The following RGS6 variants were observed in gnomAD, a reference collection of about 807,000 sequenced individuals.
RGS6 encodes the protein regulator of G protein signaling 6.
Under a neutral mutation model 78.5 loss-of-function variants are expected in RGS6, and 30 were observed. The ratio of observed to expected loss-of-function variants is 0.38; its 90% confidence interval spans 0.29 to 0.52. The LOEUF is 0.52. RGS6 is among the 20% of genes least tolerant of loss of function. The pLI, the probability that RGS6 is intolerant of heterozygous loss-of-function variation, is 0.85. For synonymous variants in RGS6, 206 were observed against 206.0 expected (o/e 1.00, Z 0.00); for missense variants, 495 against 609.7 (o/e 0.81, Z 1.98).
At chr14:72,397,448 G>A (rs889494837) in intron 3 of RGS6, among the ~76,000 whole-genome samples, 1 of 151,534 alleles carries the variant, frequency 6.6e-6, no homozygotes, top group African/African-American at 2.4e-5. Flanking sequence ...GGAGATTTTG[G>A]GCTGAGACGA....
chr14:72,175,780 A>G (rs2097097272), intron 2 of RGS6, among the ~76,000 whole-genome samples: 2 of 152,140 alleles, frequency 1.3e-5, no homozygotes, highest in African/African-American at 4.8e-5. Flanking sequence ...CTTTCTAAGT[A>G]TCAGCTGAAA....
chr14:72,285,250 G>A (rs2062320144), intron 2 of RGS6, among the ~76,000 whole-genome samples: 2 of 152,112 alleles, frequency 1.3e-5, no homozygotes, highest in South Asian at 4.2e-4. Flanking sequence ...GAATGATATG[G>A]TTTGGCTGTG....
intron 2 of RGS6, among the ~76,000 whole-genome samples, chr14:72,089,238 C>T (rs1173372965): frequency 6.6e-6 from 1 of 152,248 alleles, no homozygotes; most frequent in Admixed American, 6.5e-5. Context: ...ATACTCACTG[C>T]ATGCCTGCCA....
At chr14:71,876,842 C>T in the RGS6 span, among the ~76,000 whole-genome samples, 1 of 152,042 alleles carries the variant, frequency 6.6e-6, no homozygotes, top group Non-Finnish European at 1.5e-5. Context: ...TTTAGTGCTT[C>T]CTTCAGGAGC....
chr14:72,199,659 G>A (rs542015440), intron 2 of RGS6, among the ~76,000 whole-genome samples: 3 of 152,276 alleles, frequency 2.0e-5, no homozygotes, highest in African/African-American at 7.2e-5. Flanking sequence ...TCAGTAGGTG[G>A]CTGTTCCCAC....
intron 2 of RGS6, among the ~76,000 whole-genome samples, chr14:72,087,291 C>T (rs532558200): frequency 3.3e-5 from 5 of 152,006 alleles, no homozygotes; most frequent in East Asian, 1.9e-4. Context: ...CTACCATGCC[C>T]GGCTAATTTT....
intron 2 of RGS6, among the ~76,000 whole-genome samples, chr14:71,969,345 G>A (rs922997877): frequency 1.3e-5 from 2 of 152,126 alleles, no homozygotes; most frequent in African/African-American, 4.8e-5. Flanking sequence ...GTAAGAGTAG[G>A]TTGCTTTCTG....
chr14:72,335,689 T>C (rs1321609475), intron 2 of RGS6, among the ~76,000 whole-genome samples: 1 of 152,156 alleles, frequency 6.6e-6, no homozygotes, highest in Admixed American at 6.5e-5. Flanking sequence ...AGAAGAAGAA[T>C]TGTCTTGGGC....
chr14:72,209,823 G>A lies in RGS6; in HGVS notation c.85-142272G>A, dbSNP rs536345620. Reference sequence around the variant, plus strand: ...CGTATTGTTTTAGGTTAGTTTCTCAGAGCATAAGAATGAAGACTGTAGTAT... The same window carrying A: ...CGTATTGTTTTAGGTTAGTTTCTCAAAGCATAAGAATGAAGACTGTAGTAT... On this transcript the variant is annotated intron_variant, in intron 2 of 17. Coordinates refer to ENST00000553525, the MANE Select transcript of RGS6 (RefSeq NM_001204424.2). Among the ~76,000 whole-genome samples the A allele has an allele frequency of 7.2e-5, 11 of 152,308 alleles. No homozygotes were observed. In the East Asian group the frequency reaches 1.9e-3, roughly 27 times the overall value.
At chr14:72,108,620 T>C (rs1385158589) in intron 2 of RGS6, among the ~76,000 whole-genome samples, 1 of 152,068 alleles carries the variant, frequency 6.6e-6, no homozygotes, top group Admixed American at 6.5e-5. Context: ...GTTCTTTTGA[T>C]TTTTTTAAAA....
At chr14:72,294,873 T>C (rs999748403) in intron 2 of RGS6, among the ~76,000 whole-genome samples, 1 of 152,126 alleles carries the variant, frequency 6.6e-6, no homozygotes, top group African/African-American at 2.4e-5. Context: ...GGATTACAAC[T>C]AAAATGAGAT....
At chr14:72,395,569 C>T (rs950572651) in intron 3 of RGS6, among the ~76,000 whole-genome samples, 8 of 152,078 alleles carry the variant, frequency 5.3e-5, no homozygotes, top group Admixed American at 2.0e-4. Context: ...TTTTAGGGTA[C>T]ATGTGCACAA....
intron 3 of RGS6, among the ~76,000 whole-genome samples, chr14:72,383,196 A>ATG (rs2086733681): frequency 1.6e-5 from 2 of 122,502 alleles, no homozygotes; most frequent in African/African-American, 3.1e-5. Context: ...ATATATATAT[A>ATG]TATATATATA....
intron 2 of RGS6, among the ~76,000 whole-genome samples, chr14:72,104,249 T>A (rs1025704876): frequency 1.3e-5 from 2 of 152,228 alleles, no homozygotes; most frequent in African/African-American, 4.8e-5. Context: ...CCACGTTGTC[T>A]TGCTTTTCCT....
intron 2 of RGS6, among the ~76,000 whole-genome samples, chr14:72,102,000 C>A (rs190545220): frequency 1.3e-5 from 2 of 152,152 alleles, no homozygotes; most frequent in Non-Finnish European, 2.9e-5. Flanking sequence ...CAAGAGCAGC[C>A]GAGAAGGAGC....
intron 2 of RGS6, among the ~76,000 whole-genome samples, chr14:72,001,893 A>ATTTTTTTTTTTTTT (rs1566994305): frequency 2.0e-5 from 2 of 100,454 alleles, no homozygotes; most frequent in African/African-American, 8.2e-5. Flanking sequence ...ACATCCATTA[A>ATTTTTTTTTTTTTT]TCTTTTTTTT....
chr14:71,928,026 A>T (rs1014760581), upstream of RGS6, among the ~76,000 whole-genome samples: 1 of 151,746 alleles, frequency 6.6e-6, no homozygotes, highest in African/African-American at 2.4e-5. Flanking sequence ...AATTTTGTTT[A>T]TTTTTAATTT....
At chr14:72,557,575 G>C (rs1409770578) in intron 17 of RGS6, among the ~76,000 whole-genome samples, 4 of 151,966 alleles carry the variant, frequency 2.6e-5, no homozygotes, top group African/African-American at 9.7e-5. Context: ...CCCACCCCAG[G>C]CCTCTAATTC....
At position 72,242,994 on chromosome 14, in the gene RGS6, G is replaced by A. The variant is rs139187364; in HGVS notation, c.85-109101G>A. ...TTCCTAAGTAGCTGGGATTACAGGC[G>A]CGCGCCACCACACCTGGCTTTTTGT... On this transcript the variant is annotated intron_variant, in intron 2 of 17. Coordinates refer to ENST00000553525, the MANE Select transcript of RGS6 (RefSeq NM_001204424.2). 9.0e-3 allele frequency among the ~76,000 whole-genome samples: 1,373 copies of A among 151,868 alleles called. 20 individuals carry two copies. The highest frequency in any genetic ancestry group is 0.031 in the African/African-American group (1,277 of 41,414).
Sources: allele counts gnomAD v4.1 joint callset (sites outside exome capture counted in the v4.1 genomes callset), GRCh38; gene constraint gnomAD v4.1.1; transcripts MANE v1.5; gene names NCBI Gene and HGNC (gene_info 2026-07-23, HGNC 2026-07-21).